Variants in RALGAPA1 observed in about 807,000 individuals in gnomAD.
RALGAPA1 encodes the protein Ral GTPase activating protein catalytic subunit alpha 1.
In RALGAPA1, 52 loss-of-function variants were observed where a neutral mutation model predicts 269.6. The ratio of observed to expected loss-of-function variants is 0.19; its 90% confidence interval spans 0.15 to 0.24. The LOEUF (loss-of-function observed/expected upper bound fraction) is 0.24. RALGAPA1 is among the 10% of genes least tolerant of loss of function. The pLI is 1.00. For synonymous variants in RALGAPA1, 817 were observed against 1,008.3 expected (o/e 0.81, Z 3.60); for missense variants, 1,917 against 3,013.9 (o/e 0.64, Z 8.52).
At chr14:35,792,403 C>T (rs919517506) in intron 1 of RALGAPA1, among the ~76,000 whole-genome samples, 2 of 152,056 alleles carry the variant, frequency 1.3e-5, no homozygotes, top group African/African-American at 2.4e-5. Context: ...GCGATCCACC[C>T]GCCTCAGCCT....
Position 35,552,033 on chromosome 14 carries a change from G to T in RALGAPA1, c.7497-2799C>A, listed in dbSNP as rs140333651. Among the ~76,000 whole-genome samples, 12 of 152,048 alleles carry T rather than the reference G, an allele frequency of 7.9e-5. 1 individual carries two copies. The East Asian group carries it at 2.1e-3, about 27-fold the overall frequency. On this transcript the variant is annotated intron_variant, in intron 39 of 41. Coordinates refer to ENST00000680220, the MANE Select transcript of RALGAPA1 (RefSeq NM_001346249.2). ...TTGGGGGGTCAAACACTGTTAGCTT[G>T]GTAAAATAACTATATCTAAGGTAAA...
In RALGAPA1 at chr14:35,689,396, T is replaced by C. The variant is rs1232851850; in HGVS notation, c.3015A>G (p.Leu1005=). Residue 1005 remains leucine (L), a synonymous_variant, in exon 18 of 42, where the codon CTA becomes CTG. Coordinates refer to ENST00000680220, the MANE Select transcript of RALGAPA1 (RefSeq NM_001346249.2). Reference sequence around the variant, plus strand: ...CTGAGTTTGGTTCTTTCTGAAACTGTAGGTTTTCAGGAGTCCCAACAAAAG... The same window carrying C: ...CTGAGTTTGGTTCTTTCTGAAACTGCAGGTTTTCAGGAGTCCCAACAAAAG... ...ITSFVGTPEN[L]QFQKEPNSAV... is the part of the protein sequence containing the mutation. The C allele has an allele frequency of 1.6e-5, 20 of 1,232,138 alleles. No individual in the cohort carries two copies. The highest frequency in any genetic ancestry group is 2.0e-5 in the Non-Finnish European group (20 of 988,056). 76.3% of individuals were successfully genotyped at this position (1,232,138 alleles called of 1,614,324 possible).
chr14:35,746,739 T>C (rs889821404), intron 10 of RALGAPA1, among the ~76,000 whole-genome samples: 1 of 151,788 alleles, frequency 6.6e-6, no homozygotes. Context: ...ACACAAAAAA[T>C]AGAACTAAAT....
rs763879913 is a variant in RALGAPA1, at chr14:35,605,687, C to T, written c.6952G>A (p.Val2318Ile). The T allele has an allele frequency of 1.2e-6, 2 of 1,609,966 alleles. No individual in the cohort carries two copies. The highest frequency in any genetic ancestry group is 1.3e-5 in the African/African-American group (1 of 74,858). ...TCTTGTCCTTCAGCAACATAAAATA[C>T]TGCAATCTTGTGTGTCTCTCGGCTA... ...RQCRETHKIA[V>I]FYVAEGQEDK... The change falls in exon 36 of 42, where the codon GTA becomes ATA. Residue 2318 changes from valine (V) to isoleucine (I), a missense_variant. Physicochemically the swap from Val to Ile is conservative, Grantham distance 29. Coordinates refer to ENST00000680220, the MANE Select transcript of RALGAPA1 (RefSeq NM_001346249.2).
chr14:35,788,649 T>TAA (rs1467163477), intron 1 of RALGAPA1, among the ~76,000 whole-genome samples: 1 of 152,194 alleles, frequency 6.6e-6, no homozygotes, highest in Non-Finnish European at 1.5e-5. Context: ...TTTGCTCAAT[T>TAA]AAACTCTGTT....
chr14:35,659,306 T>C, intron 27 of RALGAPA1, 110 bp from the exon 28 acceptor site: 1 of 601,704 alleles, frequency 1.7e-6, no homozygotes, highest in African/African-American at 1.9e-5. Flanking sequence ...TGTATGTACT[T>C]TCAATAAAGA....
chr14:35,688,765 C>G lies in RALGAPA1; in HGVS notation c.3646G>C (p.Asp1216His). Residue 1216 changes from aspartate to histidine, a missense_variant, in exon 18 of 42, where the codon GAT becomes CAT. Asp to His is a moderately conservative substitution (Grantham distance 81, BLOSUM62 -1). Around this residue, in one of 11 missense-constraint regions of RALGAPA1, gnomAD observed 615 missense variants for 790.0 expected, o/e 0.78. Transcript: ENST00000680220. Reference protein sequence around the residue: ...LVKPGVYRPLDTLGTASVSSK... With the variant: ...LVKPGVYRPLHTLGTASVSSK... ...CTTACTGATGCAGTACCAAGTGTAT[C>G]TAGAGGTCTGTACACACCAGGTTTT... The G allele has an allele frequency of 2.1e-6, 3 of 1,452,122 alleles. No homozygotes were observed. The highest frequency in any genetic ancestry group is 2.7e-6 in the Non-Finnish European group (3 of 1,109,734). The allele number at this position is 1,452,122 out of a possible 1,614,324, so 90.0% of individuals were successfully genotyped here. A position where few individuals can be genotyped will look rare whatever the true frequency, so the allele number is the denominator to read the frequency against.
chr14:35,616,294 G>C (rs1156875099), intron 35 of RALGAPA1, among the ~76,000 whole-genome samples: 2 of 152,094 alleles, frequency 1.3e-5, no homozygotes, highest in Non-Finnish European at 2.9e-5. Context: ...ATGAAGGTAA[G>C]AAACAGAAAA....
At chr14:35,582,163 T>C (rs2057991413) in intron 37 of RALGAPA1, among the ~76,000 whole-genome samples, 1 of 152,210 alleles carries the variant, frequency 6.6e-6, no homozygotes, top group South Asian at 2.1e-4. Context: ...TCGAGGTTCC[T>C]AGAACTGGCA....
At chr14:35,723,718 T>C (rs115172438) in intron 14 of RALGAPA1, 3,452 of 152,270 alleles carry the variant, frequency 0.023, 130 homozygotes, top group South Asian at 0.14. Context: ...TTTAACTTAA[T>C]GAAATGTAGT....
intron 22 of RALGAPA1, chr14:35,677,185 A>G (rs2065024423): frequency 6.6e-6 from 1 of 152,300 alleles, no homozygotes; most frequent in Non-Finnish European, 1.5e-5. Context: ...TAGTTTTAAA[A>G]TAAACGGGTT....
chr14:35,548,669 T>C (rs772261141), intron 40 of RALGAPA1, 131 bp from the exon 41 acceptor site: 67 of 568,830 alleles, frequency 1.2e-4, no homozygotes, highest in Non-Finnish European at 1.9e-4. Flanking sequence ...TCTTACACTC[T>C]TTAATTATTG....
rs148895555 is a variant in RALGAPA1 at position 35,627,735 on chromosome 14, G to C, written c.6212C>G (p.Thr2071Arg). 17 of 1,613,994 alleles carry C rather than the reference G, an allele frequency of 1.1e-5. No homozygotes were observed. The East Asian group carries it at 3.6e-4, about 34-fold the overall frequency. The change falls in exon 34 of 42, where the codon ACA becomes AGA. Residue 2071 changes from threonine to arginine, a missense_variant. Thr to Arg is a moderately conservative substitution (Grantham distance 71). Coordinates refer to ENST00000680220, the MANE Select transcript of RALGAPA1 (RefSeq NM_001346249.2). ...GATCTGGATACAGGACACTAAGGTT[G>C]TATTATTTAACACAAAGAACTGGAT... ...PNIQFFVLNNTTLVSCIQIRS... is the reference protein window; with the variant it reads ...PNIQFFVLNNRTLVSCIQIRS...
At chr14:35,794,498 C>T (rs924320928) in intron 1 of RALGAPA1, among the ~76,000 whole-genome samples, 2 of 152,052 alleles carry the variant, frequency 1.3e-5, no homozygotes, top group Non-Finnish European at 2.9e-5. Context: ...CCTCCGTTGC[C>T]CAGGCTGGAG....
At chr14:35,729,384 G>T (rs1258883291) in intron 12 of RALGAPA1, among the ~76,000 whole-genome samples, 5 of 151,854 alleles carry the variant, frequency 3.3e-5, no homozygotes, top group Non-Finnish European at 7.4e-5. Flanking sequence ...AAATAAAAAA[G>T]AGCATTTATA....
At chr14:35,698,777 G>T (rs901114891) in intron 17 of RALGAPA1, among the ~76,000 whole-genome samples, 1 of 152,066 alleles carries the variant, frequency 6.6e-6, no homozygotes, top group East Asian at 1.9e-4. Flanking sequence ...AACATTGTTT[G>T]CCAACTTAAG....
intron 1 of RALGAPA1, among the ~76,000 whole-genome samples, chr14:35,777,423 T>C (rs1425230033): frequency 6.6e-6 from 1 of 152,214 alleles, no homozygotes; most frequent in Non-Finnish European, 1.5e-5. Flanking sequence ...CTAGTTTTAT[T>C]GTTGCTTAGC....
chr14:35,684,965 A>G lies in RALGAPA1; in HGVS notation c.4258T>C (p.Phe1420Leu). The G allele has an allele frequency of 6.2e-7, 1 of 1,613,532 alleles. No individual in the cohort carries two copies. The highest frequency in any genetic ancestry group is 8.5e-7 in the Non-Finnish European group (1 of 1,179,906). ...LISSDSHSDS[F>L]SAFQYDGRKF... ...CGGCCATCATATTGGAAAGCGCTGA[A>G]AGAATCCGAATGACTATCTGAGCTG... The change falls in exon 20 of 42, where the codon TTC becomes CTC. Residue 1420 changes from phenylalanine (F) to leucine (L), a missense_variant. Transcript: ENST00000680220.
At chr14:35,754,524 T>C (rs2073005861) in intron 7 of RALGAPA1, among the ~76,000 whole-genome samples, 1 of 152,182 alleles carries the variant, frequency 6.6e-6, no homozygotes. Flanking sequence ...GAGATACCAC[T>C]ACACATTCAC....
Sources: allele counts gnomAD v4.1 joint callset (sites outside exome capture counted in the v4.1 genomes callset), GRCh38; gene constraint gnomAD v4.1.1; regional missense constraint gnomAD v4.1.1; transcripts MANE v1.5; gene names NCBI Gene and HGNC (gene_info 2026-07-23, HGNC 2026-07-21).